The following CPE variants were observed in gnomAD, a reference collection of about 807,000 sequenced individuals.
The protein encoded by CPE is carboxypeptidase E.
Under a neutral mutation model 53.5 loss-of-function variants are expected in CPE, and 17 were observed. The ratio of observed to expected loss-of-function variants is 0.32; its 90% CI spans 0.22 to 0.48. The LOEUF is 0.48. CPE is among the 20% of genes least tolerant of loss of function. The pLI is 0.99. For synonymous variants in CPE, 226 were observed against 228.8 expected, an observed-to-expected ratio of 0.99 and a Z score of 0.11; for missense variants, 524 against 614.7, an observed-to-expected ratio of 0.85 and a Z score of 1.56.
intron 1 of CPE, among the ~76,000 whole-genome samples, chr4:165,453,644 C>T (rs1367268203): frequency 6.6e-6 from 1 of 152,016 alleles, no homozygotes; most frequent in Non-Finnish European, 1.5e-5. Context: ...CTTGGTTTCC[C>T]AAAGTGCTGA....
At chr4:165,422,232 A>G (rs1429365816) in intron 1 of CPE, among the ~76,000 whole-genome samples, 1 of 152,034 alleles carries the variant, frequency 6.6e-6, no homozygotes, top group East Asian at 1.9e-4. Context: ...AGTCTATTTC[A>G]TCATTATCAT....
chr4:165,429,562 C>A (rs1731375235), intron 1 of CPE, among the ~76,000 whole-genome samples: 2 of 151,874 alleles, frequency 1.3e-5, no homozygotes, highest in Non-Finnish European at 2.9e-5. Context: ...ATTGGGCAGG[C>A]ATGGTGGTGG....
Position 165,379,947 on chromosome 4 carries a change from G to T in CPE, c.307+419G>T, listed in dbSNP as rs12508818. ...TGCGAGTCCCCCGCAAGGGGGGTTGGTCTTCCTTGCTGACAAGAGTAGAAA... is the reference window on the plus strand; with the variant it reads ...TGCGAGTCCCCCGCAAGGGGGGTTGTTCTTCCTTGCTGACAAGAGTAGAAA... On this transcript the variant is annotated intron_variant, in intron 1 of 8. Coordinates refer to ENST00000402744, the MANE Select transcript of CPE (RefSeq NM_001873.4). This position sits in a 1 kb window ranked among gnomAD's most constrained non-coding sequence, Gnocchi z 6.0. Among the ~76,000 whole-genome samples, 42,868 of 152,160 alleles carry T rather than the reference G, an allele frequency of 0.28. 6,761 individuals carry two copies. Among genetic ancestry groups the T allele is most frequent in the East Asian group, 0.51 (2,626 of 5,166 alleles).
chr4:165,440,311 A>G (rs1731585502), intron 1 of CPE, among the ~76,000 whole-genome samples: 3 of 152,186 alleles, frequency 2.0e-5, no homozygotes, highest in African/African-American at 7.2e-5. Flanking sequence ...TTACTTATCT[A>G]GAAGTTAGAT....
chr4:165,476,843 A>G (rs1732309633), intron 3 of CPE, among the ~76,000 whole-genome samples: 1 of 152,126 alleles, frequency 6.6e-6, no homozygotes, highest in African/African-American at 2.4e-5. Context: ...GATACACGTC[A>G]CTGTCTCAGC....
intron 1 of CPE, among the ~76,000 whole-genome samples, chr4:165,396,146 C>T (rs1730763506): frequency 6.6e-6 from 1 of 152,110 alleles, no homozygotes; most frequent in Non-Finnish European, 1.5e-5. Context: ...ATTTGCTCTT[C>T]GCACAATGAG....
At chr4:165,487,758 G>T (rs11734732) in intron 6 of CPE, among the ~76,000 whole-genome samples, 181 bp downstream of exon 6, 8,237 of 152,132 alleles carry the variant, frequency 0.054, 289 homozygotes, top group East Asian at 0.16. Context: ...TTGTGGCTCA[G>T]GACTATTCAC....
intron 5 of CPE, among the ~76,000 whole-genome samples, chr4:165,487,168 T>C (rs1181460548): frequency 6.6e-6 from 1 of 152,166 alleles, no homozygotes; most frequent in Admixed American, 6.5e-5. Context: ...ACTCCAGCAA[T>C]GTGGAAGGTG....
rs182323747 is a variant in CPE at position 165,492,921 on chromosome 4, T to C, written c.1114-250T>C. 3.3e-3 allele frequency among the ~76,000 whole-genome samples: 502 copies of C among 152,246 alleles called. 2 individuals are homozygous for C. The highest frequency in any genetic ancestry group is 0.011 in the African/African-American group (463 of 41,542). On this transcript the variant is annotated intron_variant, in intron 6 of 8. Coordinates refer to ENST00000402744, the MANE Select transcript of CPE (RefSeq NM_001873.4). ...CTTAATATGACACTTTTTAAAATGA[T>C]TTGGAAGGTACTAAAATCTTTTTTT...
At chr4:165,480,819 A>G (rs867488422) in intron 3 of CPE, among the ~76,000 whole-genome samples, 99 of 152,106 alleles carry the variant, frequency 6.5e-4, no homozygotes, top group African/African-American at 2.3e-3. Context: ...AAGCAAAAAA[A>G]GCAGTATATA....
intron 1 of CPE, among the ~76,000 whole-genome samples, chr4:165,442,363 T>C (rs1731629588): frequency 6.6e-6 from 1 of 152,150 alleles, no homozygotes; most frequent in Non-Finnish European, 1.5e-5. Context: ...ATTGAGTTTT[T>C]ATACCAAAAA....
At chr4:165,399,563 G>C (rs958972213) in intron 1 of CPE, among the ~76,000 whole-genome samples, 46 of 151,974 alleles carry the variant, frequency 3.0e-4, no homozygotes, top group African/African-American at 1.1e-3. Flanking sequence ...GTAGAGATGG[G>C]GTTTCACCAT....
intron 1 of CPE, among the ~76,000 whole-genome samples, chr4:165,408,955 C>T (rs1259507673): frequency 6.6e-6 from 1 of 152,202 alleles, no homozygotes; most frequent in African/African-American, 2.4e-5. Context: ...TTCTGCAGGA[C>T]ACATTATGGA....
At chr4:165,442,595 T>C (rs1731632567) in intron 1 of CPE, among the ~76,000 whole-genome samples, 1 of 152,178 alleles carries the variant, frequency 6.6e-6, no homozygotes, top group Non-Finnish European at 1.5e-5. Context: ...GCTATTTAAA[T>C]TTAAATTAAT....
intron 3 of CPE, among the ~76,000 whole-genome samples, chr4:165,468,889 G>A (rs962248724): frequency 4.6e-5 from 7 of 152,246 alleles, no homozygotes; most frequent in African/African-American, 1.7e-4. Flanking sequence ...TGATGGTTAA[G>A]TATGGAGACT....
chr4:165,464,924 C>T (rs1466227463), intron 2 of CPE, among the ~76,000 whole-genome samples: 1 of 152,152 alleles, frequency 6.6e-6, no homozygotes, highest in Non-Finnish European at 1.5e-5. Context: ...AAAATATCTA[C>T]TGCCTTTTGT....
intron 4 of CPE, among the ~76,000 whole-genome samples, chr4:165,482,962 T>C (rs1732440314): frequency 6.6e-6 from 1 of 152,168 alleles, no homozygotes; most frequent in African/African-American, 2.4e-5. Flanking sequence ...CTGGGGCCTT[T>C]GAAGAGTTAG....
chr4:165,392,110 T>C (rs765214547), intron 1 of CPE, among the ~76,000 whole-genome samples: 12 of 151,148 alleles, frequency 7.9e-5, no homozygotes, highest in Non-Finnish European at 1.3e-4. Context: ...TTGGGGGTGC[T>C]GTGCTTTGGG....
intron 3 of CPE, among the ~76,000 whole-genome samples, 170 bp downstream of exon 3, chr4:165,468,025 C>G (rs932223386): frequency 1.3e-5 from 2 of 152,090 alleles, no homozygotes; most frequent in Non-Finnish European, 2.9e-5. Flanking sequence ...TTTGTCCTGG[C>G]CCCTAGAATT....
Sources: gnomAD v4.1 joint callset for allele counts (sites outside exome capture counted in the v4.1 genomes callset) on GRCh38, gnomAD v4.1.1 for gene constraint, Gnocchi (gnomAD v3.1) non-coding constraint, MANE v1.5 for transcripts, NCBI Gene and HGNC (gene_info 2026-07-23, HGNC 2026-07-21) for gene names.